CDH18: variants seen among roughly 807,000 people sequenced by gnomAD.
CDH18 encodes the protein cadherin 18.
In CDH18, 31 loss-of-function variants were observed where a neutral mutation model predicts 67.9. That is an observed-to-expected ratio of 0.46 (90% CI 0.34 to 0.62). The LOEUF is 0.62. Ranked by LOEUF, CDH18 falls within the 20% of genes least tolerant of loss-of-function variation. The pLI is 0.01. For missense variants in CDH18, 890 were observed against 975.5 expected, an observed-to-expected ratio of 0.91 and a Z score of 1.17; for synonymous variants, 362 against 347.2, an observed-to-expected ratio of 1.04 and a Z score of -0.48.
intron 1 of CDH18, among the ~76,000 whole-genome samples, chr5:20,296,553 C>A (rs977481936): frequency 6.6e-6 from 1 of 152,014 alleles, no homozygotes. Flanking sequence ...GAGCCACCGC[C>A]CCCGGCCCAC....
At chr5:20,371,804 G>A (rs1743024758) in intron 1 of CDH18, among the ~76,000 whole-genome samples, 1 of 152,178 alleles carries the variant, frequency 6.6e-6, no homozygotes, top group Admixed American at 6.5e-5. Context: ...CACAGGGCTT[G>A]TGACACAAGG....
At chr5:20,396,552 A>G (rs1262382479) in intron 1 of CDH18, among the ~76,000 whole-genome samples, 1 of 152,104 alleles carries the variant, frequency 6.6e-6, no homozygotes, top group African/African-American at 2.4e-5. Context: ...TAATCTATAA[A>G]TGTAATTAAT....
intron 5 of CDH18, among the ~76,000 whole-genome samples, chr5:19,678,936 T>C (rs1161871453): frequency 9.2e-5 from 14 of 152,006 alleles, no homozygotes; most frequent in Admixed American, 9.2e-4. Flanking sequence ...GACTCTTCCC[T>C]AACTCATTTC....
intron 2 of CDH18, among the ~76,000 whole-genome samples, chr5:20,178,512 A>C: frequency 6.6e-6 from 1 of 151,414 alleles, no homozygotes; most frequent in East Asian, 1.9e-4. Context: ...GAAAAAAAAA[A>C]ACATGAAATA....
chr5:20,529,477 G>A (rs1372353386), intron 1 of CDH18, among the ~76,000 whole-genome samples: 1 of 152,074 alleles, frequency 6.6e-6, no homozygotes, highest in African/African-American at 2.4e-5. Context: ...GAACATCAAT[G>A]CAAGAATCCC....
chr5:19,998,416 C>T (rs946334250), intron 2 of CDH18, among the ~76,000 whole-genome samples: 7 of 152,030 alleles, frequency 4.6e-5, no homozygotes, highest in South Asian at 2.1e-4. Context: ...GCATTTGTAT[C>T]GTCAGGGAGG....
intron 5 of CDH18, among the ~76,000 whole-genome samples, chr5:19,716,688 C>A (rs996515789): frequency 6.6e-6 from 1 of 151,822 alleles, no homozygotes; most frequent in African/African-American, 2.4e-5. Flanking sequence ...TTTTTAATAT[C>A]ATGTAACACA....
At chr5:20,142,456 C>A (rs1006665027) in intron 2 of CDH18, among the ~76,000 whole-genome samples, 1 of 151,544 alleles carries the variant, frequency 6.6e-6, no homozygotes, top group African/African-American at 2.4e-5. Context: ...GGCAAGCACC[C>A]GTAGTCTCAA....
intron 1 of CDH18, among the ~76,000 whole-genome samples, chr5:20,470,785 C>T (rs569688455): frequency 9.6e-4 from 146 of 152,308 alleles, no homozygotes; most frequent in Non-Finnish European, 1.6e-3. Context: ...AGCTAGATTA[C>T]AACTCTTACT....
intron 2 of CDH18, among the ~76,000 whole-genome samples, chr5:19,957,410 CTATGTGTTATGTATATCTGTGTGTGTA>C (rs1342339508): frequency 6.6e-5 from 10 of 151,292 alleles, no homozygotes; most frequent in Middle Eastern, 3.5e-3. Context: ...TATATCAGCT[CTATGTGTTATGTATATCTGTGTGTGTA>C]TATGTGTTAG....
intron 2 of CDH18, among the ~76,000 whole-genome samples, chr5:20,158,296 C>A (rs1751715565): frequency 6.6e-6 from 1 of 151,928 alleles, no homozygotes; most frequent in African/African-American, 2.4e-5. Flanking sequence ...AACAATTGCA[C>A]AAATGAAATC....
At chr5:19,523,516 A>T (rs189416) in intron 9 of CDH18, among the ~76,000 whole-genome samples, 18,798 of 150,498 alleles carry the variant, frequency 0.12, 1,314 homozygotes, top group Non-Finnish European at 0.13. Context: ...AAAAATAGGC[A>T]AATATTAATG....
At chr5:19,498,090 T>C (rs1272158377) in intron 11 of CDH18, among the ~76,000 whole-genome samples, 1 of 152,184 alleles carries the variant, frequency 6.6e-6, no homozygotes, top group Non-Finnish European at 1.5e-5. Flanking sequence ...GGTTTGTACC[T>C]CAACTAAGGA....
At chr5:19,490,268 G>A (rs910048295) in intron 11 of CDH18, among the ~76,000 whole-genome samples, 1 of 151,640 alleles carries the variant, frequency 6.6e-6, no homozygotes, top group African/African-American at 2.4e-5. Flanking sequence ...AGCACCATGT[G>A]GTTCTTAGTA....
chr5:20,158,638 G>A (rs895110093), intron 2 of CDH18: 1 of 163,278 alleles, frequency 6.1e-6, no homozygotes, highest in Non-Finnish European at 1.5e-5. Flanking sequence ...TAGAAATATT[G>A]TATACTAAAC....
Position 20,342,671 on chromosome 5 carries a change from G to A in CDH18, c.-579-87166C>T, listed in dbSNP as rs556682634. Among the ~76,000 whole-genome samples, 4 of 152,300 alleles carry A rather than the reference G, an allele frequency of 2.6e-5. No homozygotes were observed. The East Asian group carries it at 7.7e-4, about 29-fold the overall frequency. Reference sequence around the variant, plus strand: ...GGGATAATGGCAGAAGGAACATAGAGTTGGATCAGACTGCATTTATTGATT... The same window carrying A: ...GGGATAATGGCAGAAGGAACATAGAATTGGATCAGACTGCATTTATTGATT... On this transcript the variant is annotated intron_variant, in intron 1 of 14. Transcript: ENST00000507958.
intron 3 of CDH18, among the ~76,000 whole-genome samples, chr5:19,801,390 C>A (rs552353342): frequency 2.4e-4 from 37 of 152,098 alleles, no homozygotes; most frequent in African/African-American, 7.5e-4. Flanking sequence ...TTCAAGGTAC[C>A]CTTATATATC....
intron 1 of CDH18, among the ~76,000 whole-genome samples, chr5:20,262,145 T>C (rs1744705040): frequency 6.6e-6 from 1 of 152,154 alleles, no homozygotes; most frequent in Admixed American, 6.5e-5. Flanking sequence ...GTAGGGGTCA[T>C]TTGTAAGCCA....
chr5:20,500,064 C>A (rs775773150), intron 1 of CDH18, among the ~76,000 whole-genome samples: 1 of 151,902 alleles, frequency 6.6e-6, no homozygotes, highest in Admixed American at 6.6e-5. Flanking sequence ...AGGCTTATAC[C>A]GGCCTTAAAC....
Sources: gnomAD v4.1 joint callset for allele counts (sites outside exome capture counted in the v4.1 genomes callset) on GRCh38, gnomAD v4.1.1 for gene constraint, MANE v1.5 for transcripts, NCBI Gene and HGNC (gene_info 2026-07-23, HGNC 2026-07-21) for gene names.